LRRC4C: variants seen among roughly 807,000 people sequenced by gnomAD.
LRRC4C encodes leucine-rich repeat-containing protein 4C.
A neutral mutation model predicts 33.6 loss-of-function variants in LRRC4C; 5 were observed. The observed-to-expected ratio is 0.15, with a 90% CI of 0.08 to 0.31. The LOEUF (loss-of-function observed/expected upper bound fraction) is 0.31. Ranked by LOEUF, LRRC4C falls within the 10% of genes least tolerant of loss-of-function variation. The pLI, the probability that LRRC4C is intolerant of heterozygous loss-of-function variation, is 1.00. For synonymous variants in LRRC4C, 329 were observed against 302.0 expected, an observed-to-expected ratio of 1.09 and a Z score of -0.93; for missense variants, 560 against 796.7, an observed-to-expected ratio of 0.70 and a Z score of 3.58.
At chr11:41,436,813 T>C (rs1955444414) in intron 1 of LRRC4C, among the ~76,000 whole-genome samples, 1 of 152,202 alleles carries the variant, frequency 6.6e-6, no homozygotes, top group Admixed American at 6.5e-5. Flanking sequence ...TCTTCTCATC[T>C]TTCAAGAGTC....
chr11:40,936,747 T>A (rs1269541331), intron 1 of LRRC4C, among the ~76,000 whole-genome samples: 1 of 152,192 alleles, frequency 6.6e-6, no homozygotes, highest in Admixed American at 6.6e-5. Flanking sequence ...TATAATCATG[T>A]CTATTTAAAA....
At chr11:40,610,404 T>A (rs1383486043) in intron 3 of LRRC4C, among the ~76,000 whole-genome samples, 1 of 151,854 alleles carries the variant, frequency 6.6e-6, no homozygotes, top group East Asian at 1.9e-4. Context: ...AGCCCACAGC[T>A]AACCTCATAC....
chr11:40,737,063 G>A (rs1947906842), intron 2 of LRRC4C, among the ~76,000 whole-genome samples: 1 of 152,066 alleles, frequency 6.6e-6, no homozygotes, highest in Non-Finnish European at 1.5e-5. Flanking sequence ...TAGTACTAAA[G>A]TCTTTGCCCA....
intron 2 of LRRC4C, among the ~76,000 whole-genome samples, chr11:40,710,688 C>T (rs898896621): frequency 6.6e-6 from 1 of 152,216 alleles, no homozygotes; most frequent in Non-Finnish European, 1.5e-5. Context: ...TGCCCATTCT[C>T]AGAGCTCAAA....
intron 4 of LRRC4C, chr11:40,293,614 A>G (rs1944351256): frequency 6.6e-6 from 1 of 152,242 alleles, no homozygotes; most frequent in Non-Finnish European, 1.5e-5. Flanking sequence ...AAAAAGAAAG[A>G]AAAAAAGAAA....
At chr11:41,348,946 C>A (rs1479503823) in intron 1 of LRRC4C, among the ~76,000 whole-genome samples, 1 of 152,180 alleles carries the variant, frequency 6.6e-6, no homozygotes, top group African/African-American at 2.4e-5. Context: ...GACACAGGAA[C>A]AGCTGCAGTG....
chr11:41,147,472 C>T (rs1943779230), intron 1 of LRRC4C, among the ~76,000 whole-genome samples: 1 of 152,190 alleles, frequency 6.6e-6, no homozygotes, highest in Non-Finnish European at 1.5e-5. Flanking sequence ...CATCAACCTA[C>T]TTTATGTTTC....
At chr11:41,360,258 C>G (rs1001733819) in intron 1 of LRRC4C, among the ~76,000 whole-genome samples, 9 of 152,132 alleles carry the variant, frequency 5.9e-5, no homozygotes, top group African/African-American at 2.2e-4. Context: ...CCGGACACCT[C>G]AAAGCTAGTT....
At chr11:40,176,830 T>A (rs1189001866) in intron 5 of LRRC4C, among the ~76,000 whole-genome samples, 2 of 151,792 alleles carry the variant, frequency 1.3e-5, no homozygotes, top group Admixed American at 6.6e-5. Context: ...TGTGAGCCAA[T>A]ACACCTGGTC....
At chr11:40,153,147 G>C (rs1440607399) in intron 5 of LRRC4C, among the ~76,000 whole-genome samples, 1 of 152,168 alleles carries the variant, frequency 6.6e-6, no homozygotes, top group Non-Finnish European at 1.5e-5. Context: ...TACCAGCCTG[G>C]AGCCGAGCAG....
chr11:40,207,194 C>T (rs554317615), intron 5 of LRRC4C, among the ~76,000 whole-genome samples: 2 of 152,222 alleles, frequency 1.3e-5, no homozygotes, highest in East Asian at 3.9e-4. Flanking sequence ...GATGTTCTTG[C>T]AAATGGATTC....
chr11:41,302,739 T>G (rs1950320413), intron 1 of LRRC4C, among the ~76,000 whole-genome samples: 1 of 152,226 alleles, frequency 6.6e-6, no homozygotes, highest in Admixed American at 6.5e-5. Context: ...TTAATAATAA[T>G]GCCAGATTTT....
intron 1 of LRRC4C, among the ~76,000 whole-genome samples, chr11:41,081,991 C>T (rs1939609173): frequency 6.6e-6 from 1 of 152,054 alleles, no homozygotes; most frequent in African/African-American, 2.4e-5. Flanking sequence ...ATTTAAAAGG[C>T]ACTTTCCAGA....
intron 1 of LRRC4C, among the ~76,000 whole-genome samples, chr11:41,007,671 T>A (rs1854863570): frequency 6.6e-6 from 1 of 152,160 alleles, no homozygotes; most frequent in Non-Finnish European, 1.5e-5. Context: ...GATATTGTTT[T>A]TAAAAAGGCT....
At chr11:41,424,420 T>C (rs1954969546) in intron 1 of LRRC4C, among the ~76,000 whole-genome samples, 1 of 152,132 alleles carries the variant, frequency 6.6e-6, no homozygotes, top group Non-Finnish European at 1.5e-5. Context: ...TTCTCTGTTT[T>C]ACAATTGGAA....
chr11:40,865,201 G>A (rs188669876), intron 2 of LRRC4C, among the ~76,000 whole-genome samples: 2 of 152,042 alleles, frequency 1.3e-5, no homozygotes, highest in African/African-American at 2.4e-5. Flanking sequence ...GTCACCACAC[G>A]ATCTCACCCA....
intron 3 of LRRC4C, among the ~76,000 whole-genome samples, chr11:40,551,012 A>G (rs1957108882): frequency 3.3e-5 from 5 of 151,784 alleles, no homozygotes; most frequent in South Asian, 2.1e-4. Flanking sequence ...TGGTCAGTCA[A>G]CTCCCACGCA....
intron 1 of LRRC4C, among the ~76,000 whole-genome samples, chr11:41,308,272 C>T (rs962836364): frequency 3.3e-5 from 5 of 152,094 alleles, no homozygotes; most frequent in South Asian, 4.2e-4. Flanking sequence ...AAAACGCATA[C>T]ATTCTGGGGG....
At chr11:40,949,333 A>G (rs953418368) in intron 1 of LRRC4C, among the ~76,000 whole-genome samples, 8 of 152,198 alleles carry the variant, frequency 5.3e-5, no homozygotes, top group Admixed American at 5.2e-4. Flanking sequence ...GTTCACTCTG[A>G]TGGTAGTTTC....
Sources: gnomAD v4.1 joint callset for allele counts (sites outside exome capture counted in the v4.1 genomes callset) on GRCh38, gnomAD v4.1.1 for gene constraint, MANE v1.5 for transcripts, NCBI Gene and HGNC (gene_info 2026-07-23, HGNC 2026-07-21) for gene names.